The following EEF2 variants were observed in gnomAD, a reference collection of about 807,000 sequenced individuals.
The protein encoded by EEF2 is eukaryotic translation elongation factor 2.
EEF2 carries 21 observed loss-of-function variants against 85.3 expected under a neutral mutation model. The observed-to-expected ratio is 0.25, with a 90% CI of 0.17 to 0.35. The LOEUF (loss-of-function observed/expected upper bound fraction) is 0.35, where lower values mean the gene tolerates loss of function less well. EEF2 is among the 10% of genes least tolerant of loss of function. The probability of loss-of-function intolerance (pLI) is 1.00; values close to 1 mark genes in which losing one functional copy is unlikely to be tolerated. For missense variants in EEF2, 825 were observed against 1,225.3 expected (o/e 0.67, Z 4.88); for synonymous variants, 723 against 508.8 (o/e 1.42, Z -5.67).
chr19:3,980,726 A>T lies in EEF2; in HGVS notation c.1151-17T>A. 8 of 1,609,914 alleles carry T rather than the reference A, an allele frequency of 5.0e-6. No homozygotes were observed. The highest frequency in any genetic ancestry group is 6.8e-6 in the Non-Finnish European group (8 of 1,176,928). ...TTTTAATGCCTGAGGGACAGAGAAA[A>T]CCCGCAAGCTTTATTCCAGTGCAGC... On this transcript the variant is annotated splice_polypyrimidine_tract_variant and intron_variant, in intron 8 of 14. Transcript: ENST00000309311.
rs2039680280 is a variant in EEF2 at position 3,976,403 on chromosome 19, G to C, written c.*151C>G. ...TGAAAGAAACGGCATCAAGTGTTAT[G>C]GTTGAGTGATGGCACGCAGCGGGCC... is the stretch of plus-strand genomic sequence containing the variant. On this transcript the variant is annotated 3_prime_UTR_variant, in exon 15 of 15. Transcript: ENST00000309311. The C allele has an allele frequency of 2.7e-6, 2 of 738,310 alleles. No individual in the cohort carries two copies. 45.7% of individuals were successfully genotyped at this position (738,310 alleles called of 1,614,324 possible). A position where few individuals can be genotyped will look rare whatever the true frequency, so the allele number is the denominator to read the frequency against.
At chr19:3,979,737 C>T (rs2039722210) in intron 10 of EEF2, 71 bp downstream of exon 10, 1 of 1,558,210 alleles carries the variant, frequency 6.4e-7, no homozygotes, top group Non-Finnish European at 8.7e-7. Context: ...GCAACCCACA[C>T]AGCCACAACT....
intron 11 of EEF2, among the ~76,000 whole-genome samples, chr19:3,978,931 C>T (rs2039710385): frequency 1.3e-5 from 2 of 150,584 alleles, no homozygotes; most frequent in Non-Finnish European, 3.0e-5. Context: ...ACCATCTTGA[C>T]TTACTAACAC....
In EEF2 at chr19:3,985,457, G is replaced by C. The variant is rs897131413; in HGVS notation, c.-77C>G. On this transcript the variant is annotated 5_prime_UTR_variant, in exon 1 of 15. Coordinates refer to ENST00000309311, the MANE Select transcript of EEF2 (RefSeq NM_001961.4). ...CGCCGAGGATGGCGGCGACGACGGC[G>C]GAAGAGAACGCTGACGTCAACACTC... The C allele has an allele frequency of 6.1e-5, 85 of 1,396,174 alleles. No individual in the cohort carries two copies. Among genetic ancestry groups the C allele is most frequent in the Middle Eastern group, 3.7e-4 (2 of 5,364 alleles). The allele number at this position is 1,396,174 out of a possible 1,614,324, so 86.5% of individuals were successfully genotyped here. A position where few individuals can be genotyped will look rare whatever the true frequency, so the allele number is the denominator to read the frequency against.
At chr19:3,978,571 C>T (rs902718372) in intron 11 of EEF2, among the ~76,000 whole-genome samples, 2 of 151,760 alleles carry the variant, frequency 1.3e-5, no homozygotes, top group African/African-American at 2.4e-5. Context: ...TTTGGGAGGC[C>T]GAGGCGGGTG....
chr19:3,983,848 G>C (rs764576904), intron 2 of EEF2: 54 of 475,930 alleles, frequency 1.1e-4, no homozygotes, highest in South Asian at 1.4e-4. Context: ...TCCCAGGTGT[G>C]ACAGCCAAAC....
Position 3,984,413 on chromosome 19 carries a change from C to T in EEF2, c.4-63G>A, listed in dbSNP as rs1033128512. 6 of 1,559,770 alleles carry T rather than the reference C, an allele frequency of 3.8e-6. No homozygotes were observed. The Admixed American group carries it at 5.1e-5, about 13-fold the overall frequency. Reference sequence around the variant, plus strand: ...TCCAGGAACACAGCATGGCACGGAGCGTTCAGTCCAAACGAACCAGCATGC... The same window carrying T: ...TCCAGGAACACAGCATGGCACGGAGTGTTCAGTCCAAACGAACCAGCATGC... On this transcript the variant is annotated intron_variant, in intron 1 of 14. Transcript: ENST00000309311.
chr19:3,982,200 T>C (rs777940300), intron 5 of EEF2, 46 bp downstream of exon 5: 4 of 1,608,966 alleles, frequency 2.5e-6, no homozygotes. Context: ...TCGCTGCCAC[T>C]ACCCCCAGGT....
intron 8 of EEF2, 38 bp downstream of exon 8, chr19:3,980,803 C>A (rs766998691): frequency 6.3e-7 from 1 of 1,584,522 alleles, no homozygotes; most frequent in Non-Finnish European, 8.6e-7. Flanking sequence ...GGAAGTCATC[C>A]GGCTGCATCT....
intron 6 of EEF2, among the ~76,000 whole-genome samples, 163 bp downstream of exon 6, chr19:3,981,784 G>A (rs181437611): frequency 2.0e-5 from 3 of 152,370 alleles, no homozygotes; most frequent in Admixed American, 6.5e-5. Context: ...GATCTTAAGA[G>A]AGGAGCCCTG....
rs1241109182 is a variant in EEF2 at position 3,981,952 on chromosome 19, A to C, written c.892T>G (p.Phe298Val). The C allele has an allele frequency of 1.9e-6, 3 of 1,613,830 alleles. No homozygotes were observed. Among genetic ancestry groups the C allele is most frequent in the Non-Finnish European group, 1.7e-6 (2 of 1,179,922 alleles). The change falls in exon 6 of 15, where the codon TTC (phenylalanine) becomes GTC (valine). Residue 298 changes from phenylalanine to valine, a missense_variant. Physicochemically the swap from Phe to Val is conservative, Grantham distance 50 (BLOSUM62 -1). Transcript: ENST00000309311. ...TFCQLILDPIFKVFDAIMNFK... is the reference protein window; with the variant it reads ...TFCQLILDPIVKVFDAIMNFK... ...CTGGCGCAGCCCTCACTCACCTTGA[A>C]GATGGGGTCCAGGATCAGCTGGCAG...
rs1308649928 is a variant in EEF2 at position 3,979,882 on chromosome 19, C to A, written c.1531G>T (p.Ala511Ser). The change falls in exon 10 of 15, where the codon GCC becomes TCC. Residue 511 changes from alanine to serine, a missense_variant. By Grantham distance (99) the Ala-to-Ser change is moderately conservative. Transcript: ENST00000309311. ...VSPVVRVAVE[A>S]KNPADLPKLV... is the part of the protein sequence containing the mutation. ...TTGGGCAGGTCAGCCGGGTTCTTGGCCTCCACGGCCACTCTGACAACAGGG... is the reference window on the plus strand; with the variant it reads ...TTGGGCAGGTCAGCCGGGTTCTTGGACTCCACGGCCACTCTGACAACAGGG... The A allele has an allele frequency of 5.6e-6, 9 of 1,613,844 alleles. No homozygotes were observed. The highest frequency in any genetic ancestry group is 7.6e-6 in the Non-Finnish European group (9 of 1,180,046).
chr19:3,984,745 A>C, intron 1 of EEF2: 1 of 220,962 alleles, frequency 4.5e-6, no homozygotes, highest in Non-Finnish European at 9.2e-6. Context: ...CTTCATCATA[A>C]AATGCAAGGT....
chr19:3,983,352 G>A, intron 2 of EEF2, 61 bp from the exon 3 acceptor site: 1 of 1,550,880 alleles, frequency 6.4e-7, no homozygotes, highest in Non-Finnish European at 8.8e-7. Flanking sequence ...AGGGAGTCTG[G>A]GATGCTGTCA....
At chr19:3,978,789 C>T (rs1472071019) in intron 11 of EEF2, among the ~76,000 whole-genome samples, 1 of 97,780 alleles carries the variant, frequency 1.0e-5, no homozygotes, top group Non-Finnish European at 1.9e-5. Flanking sequence ...AGCAACAGAG[C>T]AAGACTCTTG....
Position 3,980,829 on chromosome 19 carries a change from G to A in EEF2, c.1150+12C>T, listed in dbSNP as rs753126885. On this transcript the variant is annotated intron_variant, in intron 8 of 14. Transcript: ENST00000309311. The stretch of plus-strand genomic sequence containing the variant: ...GGCTGCATCTCAGGGCCCGGCCACC[G>A]GGACCACGTACCCATGGCAGCCTCG... 1.8e-5 allele frequency: 28 copies of A among 1,570,966 alleles called. No homozygotes were observed. The highest frequency in any genetic ancestry group is 5.7e-5 in the South Asian group (5 of 86,978).
chr19:3,985,213 C>T (rs1599200072), intron 1 of EEF2, 165 bp downstream of exon 1: 3 of 704,688 alleles, frequency 4.3e-6, no homozygotes, highest in Non-Finnish European at 6.2e-6. Context: ...AACAGCGCGG[C>T]GCACAGACAT....
Position 3,984,130 on chromosome 19 carries a change from G to C in EEF2, c.218+6C>G, listed in dbSNP as rs749703217. ...TGCCTGGGTACAGAGGGCACAGGGAGCTCACGTTGACTTGATGGTGATGCA... is the reference window on the plus strand; with the variant it reads ...TGCCTGGGTACAGAGGGCACAGGGACCTCACGTTGACTTGATGGTGATGCA... On this transcript the variant is annotated splice_donor_region_variant and intron_variant, in intron 2 of 14. Transcript: ENST00000309311. The C allele has an allele frequency of 6.2e-7, 1 of 1,613,434 alleles. No individual in the cohort carries two copies. The highest frequency in any genetic ancestry group is 1.7e-5 in the Admixed American group (1 of 60,034).
chr19:3,977,032 G>A lies in EEF2; in HGVS notation c.2383+183C>T, dbSNP rs1411956290. On this transcript the variant is annotated intron_variant, in intron 14 of 14. Coordinates refer to ENST00000309311, the MANE Select transcript of EEF2 (RefSeq NM_001961.4). The surrounding 1 kb of genome is among the most constrained non-coding windows in gnomAD (Gnocchi z 5.4). ...CCCTTCTCACACTGGGGATAGGAGA[G>A]CCCCTCCCCTGGGAATTCAGTGATT... 6.6e-6 allele frequency among the ~76,000 whole-genome samples: 1 copy of A among 152,196 alleles called. No homozygotes were observed. Among genetic ancestry groups the A allele is most frequent in the Non-Finnish European group, 1.5e-5 (1 of 68,034 alleles).
Sources: gnomAD v4.1 joint callset for allele counts (sites outside exome capture counted in the v4.1 genomes callset) on GRCh38, gnomAD v4.1.1 for gene constraint, Gnocchi (gnomAD v3.1) non-coding constraint, MANE v1.5 for transcripts, NCBI Gene and HGNC (gene_info 2026-07-23, HGNC 2026-07-21) for gene names.